FN1: variants seen among roughly 807,000 people sequenced by gnomAD.
FN1 encodes fibronectin.
In FN1, 106 loss-of-function variants were observed where a neutral mutation model predicts 297.3. That is an observed-to-expected ratio of 0.36 (90% CI 0.30 to 0.42). The LOEUF (loss-of-function observed/expected upper bound fraction) is 0.42. FN1 is among the 10% of genes least tolerant of loss of function. FN1 has a pLI of 1.00. For missense variants in FN1, 2,690 were observed against 3,124.9 expected (o/e 0.86, Z 3.32); for synonymous variants, 1,149 against 1,152.6 (o/e 1.00, Z 0.06).
At chr2:215,419,696 T>A (rs1457215778) in intron 11 of FN1, among the ~76,000 whole-genome samples, 1 of 152,332 alleles carries the variant, frequency 6.6e-6, no homozygotes, top group African/African-American at 2.4e-5. Context: ...TTAGTTATTA[T>A]TTTTACCCAT....
At chr2:215,423,693 T>C (rs566445138) in intron 8 of FN1, among the ~76,000 whole-genome samples, 167 bp from the exon 9 acceptor site, 2 of 152,294 alleles carry the variant, frequency 1.3e-5, no homozygotes, top group Admixed American at 6.5e-5. Flanking sequence ...TTAGCATATT[T>C]ACCTTCACAC....
intron 39 of FN1, 130 bp downstream of exon 39, chr2:215,373,187 ATACAC>A (rs2056576086): frequency 5.6e-6 from 4 of 708,192 alleles, no homozygotes; most frequent in Non-Finnish European, 1.0e-5. Flanking sequence ...AATACAATAT[ATACAC>A]TATGCTGTTA....
chr2:215,409,804 C>G (rs2062324363), intron 14 of FN1, 65 bp from the exon 15 acceptor site: 1 of 1,599,746 alleles, frequency 6.3e-7, no homozygotes. Context: ...GTCCTCGTCG[C>G]CAACATCATT....
chr2:215,392,032 T>C, intron 25 of FN1: 1 of 541,268 alleles, frequency 1.8e-6, no homozygotes, highest in Non-Finnish European at 3.3e-6. Context: ...CTTTTTGCCA[T>C]CATTGATATA....
rs2106081193 is a variant in FN1 at position 215,361,276 on chromosome 2, A to T, written c.*279T>A. ...TGCATATGCTTTCCTATTGATCCCA[A>T]ACCAAATCTTAGAATCACTTCATTT... On this transcript the variant is annotated 3_prime_UTR_variant, in exon 46 of 46. Coordinates refer to ENST00000354785, the MANE Select transcript of FN1 (RefSeq NM_212482.4). 2.5e-6 allele frequency: 1 copy of T among 394,214 alleles called. No individual in the cohort carries two copies. Among genetic ancestry groups the T allele is most frequent in the Non-Finnish European group, 4.7e-6 (1 of 213,888 alleles). The allele number at this position is 394,214 out of a possible 1,614,324, so 24.4% of individuals were successfully genotyped here.
intron 43 of FN1, among the ~76,000 whole-genome samples, chr2:215,365,293 G>A (rs1559312617): frequency 6.6e-6 from 1 of 152,176 alleles, no homozygotes; most frequent in Non-Finnish European, 1.5e-5. Flanking sequence ...TACTCAGGTT[G>A]GACAAGTGCT....
chr2:215,384,309 G>A, intron 29 of FN1, 125 bp from the exon 30 acceptor site: 1 of 955,824 alleles, frequency 1.0e-6, no homozygotes, highest in East Asian at 2.5e-5. Flanking sequence ...CCCTTTTAAA[G>A]AGCGCTATCT....
chr2:215,389,078 G>C (rs1214274985), intron 26 of FN1, among the ~76,000 whole-genome samples: 2 of 151,960 alleles, frequency 1.3e-5, no homozygotes, highest in Non-Finnish European at 2.9e-5. Context: ...ATACATCCCT[G>C]AGTATCTTGT....
At chr2:215,409,824 G>A (rs1208401877) in intron 14 of FN1, 85 bp from the exon 15 acceptor site, 44 of 1,590,646 alleles carry the variant, frequency 2.8e-5, no homozygotes, top group Middle Eastern at 3.3e-4. Flanking sequence ...TTTAAAAAAC[G>A]TTGGTGCCCC....
At chr2:215,411,800 G>A (rs1306816777) in intron 13 of FN1, among the ~76,000 whole-genome samples, 1 of 151,736 alleles carries the variant, frequency 6.6e-6, no homozygotes, top group Non-Finnish European at 1.5e-5. Context: ...CCGAGTAGCT[G>A]GGATTACAGG....
chr2:215,386,940 C>T lies in FN1; in HGVS notation c.4361G>A (p.Gly1454Asp). Reference sequence around the variant, plus strand: ...GGCAGTAATATCAGAAAAGTCAATGCCAGTTGGGGAATCAAGACCTGTTTT... The same window carrying T: ...GGCAGTAATATCAGAAAAGTCAATGTCAGTTGGGGAATCAAGACCTGTTTT... ...RQKTGLDSPT[G>D]IDFSDITANS... Residue 1454 changes from glycine (G) to aspartate (D), a missense_variant, in exon 28 of 46, where the codon GGC (glycine) becomes GAC (aspartate). Physicochemically the swap from Gly to Asp is moderately conservative, Grantham distance 94. Coordinates refer to ENST00000354785, the MANE Select transcript of FN1 (RefSeq NM_212482.4). 2 of 1,611,646 alleles carry T rather than the reference C, an allele frequency of 1.2e-6. No individual in the cohort carries two copies. The highest frequency in any genetic ancestry group is 1.7e-6 in the Non-Finnish European group (2 of 1,179,144).
intron 42 of FN1, 50 bp from the exon 43 acceptor site, chr2:215,365,680 C>T (rs945719300): frequency 1.9e-6 from 3 of 1,597,566 alleles, no homozygotes; most frequent in African/African-American, 1.3e-5. Context: ...TATATTCTGA[C>T]TCACAAGACA....
intron 26 of FN1, among the ~76,000 whole-genome samples, chr2:215,389,037 TGA>T (rs71044594): frequency 0.31 from 47,295 of 151,914 alleles, 8,860 homozygotes; most frequent in South Asian, 0.5. Context: ...CATATTAAAA[TGA>T]GAGCAGAATA....
At position 215,393,177 on chromosome 2, in the gene FN1, A is replaced by G. The variant is rs1267416133; in HGVS notation, c.3823T>C (p.Phe1275Leu). ...ATGCTTGAATCGGTTATATCAACAAAGCTTAGGTCAGTGAGTTGGGGCACC... is the reference window on the plus strand; with the variant it reads ...ATGCTTGAATCGGTTATATCAACAAGGCTTAGGTCAGTGAGTTGGGGCACC... The part of the protein sequence containing the change: ...PEVPQLTDLS[F>L]VDITDSSIGL... Residue 1275 changes from phenylalanine (F) to leucine (L), a missense_variant, in exon 25 of 46, where the codon TTT (phenylalanine) becomes CTT (leucine). This residue lies in a region of FN1 where 1,743 missense variants were observed against 1,945.2 expected (regional missense o/e 0.90). Coordinates refer to ENST00000354785, the MANE Select transcript of FN1 (RefSeq NM_212482.4). The G allele has an allele frequency of 6.2e-7, 1 of 1,614,000 alleles. No homozygotes were observed. The highest frequency in any genetic ancestry group is 1.3e-5 in the African/African-American group (1 of 74,976).
chr2:215,436,026 G>T lies in FN1; in HGVS notation c.-224C>A. 2 of 992,116 alleles carry T rather than the reference G, an allele frequency of 2.0e-6. No individual in the cohort carries two copies. The highest frequency in any genetic ancestry group is 2.8e-6 in the Non-Finnish European group (2 of 704,000). 61.5% of individuals were successfully genotyped at this position (992,116 alleles called of 1,614,324 possible). On this transcript the variant is annotated 5_prime_UTR_variant, in exon 1 of 46. Coordinates refer to ENST00000354785, the MANE Select transcript of FN1 (RefSeq NM_212482.4). ...AGGTCCCCTCTTCCCGCTCGCGCCT[G>T]GGGTTCCCTCTCCTCCCCCTGTGCA...
At chr2:215,368,599 A>C (rs952512481) in intron 41 of FN1, among the ~76,000 whole-genome samples, 10 of 152,262 alleles carry the variant, frequency 6.6e-5, no homozygotes, top group African/African-American at 2.4e-4. Context: ...ATAATGCAAA[A>C]GTCTTAGCAT....
chr2:215,394,916 T>C (rs373371404), intron 23 of FN1, among the ~76,000 whole-genome samples, 197 bp from the exon 24 acceptor site: 1 of 152,188 alleles, frequency 6.6e-6, no homozygotes, highest in South Asian at 2.1e-4. Context: ...TTTTTATTTT[T>C]ATTTTTTGAG....
intron 28 of FN1, among the ~76,000 whole-genome samples, chr2:215,385,262 AAAAAAAAAGTGATAC>A (rs918729210): frequency 2.0e-5 from 3 of 151,334 alleles, no homozygotes; most frequent in Non-Finnish European, 3.0e-5. Flanking sequence ...AAAAAAAAAA[AAAAAAAAAGTGATAC>A]AAGGCCGGGC....
At chr2:215,383,883 T>G in intron 30 of FN1, 137 bp downstream of exon 30, 1 of 926,380 alleles carries the variant, frequency 1.1e-6, no homozygotes, top group Non-Finnish European at 1.7e-6. Context: ...CTCTGTTCGC[T>G]GCAGGTGCTA....
Sources: gnomAD v4.1 joint callset for allele counts (sites outside exome capture counted in the v4.1 genomes callset) on GRCh38, gnomAD v4.1.1 for gene constraint, gnomAD v4.1.1 regional missense constraint, MANE v1.5 for transcripts, NCBI Gene and HGNC (gene_info 2026-07-23, HGNC 2026-07-21) for gene names.